The following TLK2 variants were observed in gnomAD, a reference collection of about 807,000 sequenced individuals.
TLK2 encodes the protein tousled like kinase 2.
Under a neutral mutation model 117.3 loss-of-function variants are expected in TLK2, and 6 were observed. That is an observed-to-expected ratio of 0.05 (90% CI 0.03 to 0.10). TLK2 has a LOEUF of 0.10. Ranked by LOEUF, TLK2 falls within the 10% of genes least tolerant of loss-of-function variation. TLK2 has a pLI of 1.00. For missense variants in TLK2, 299 were observed against 901.2 expected (o/e 0.33, Z 8.56); for synonymous variants, 257 against 316.7 (o/e 0.81, Z 2.00).
rs56176869 is a variant in TLK2 at position 62,586,161 on chromosome 17, C to T, written c.1395C>T (p.Tyr465=). 34 of 1,613,226 alleles carry T rather than the reference C, an allele frequency of 2.1e-5. No individual in the cohort carries two copies. The highest frequency in any genetic ancestry group is 1.1e-4 in the African/African-American group (8 of 74,838). The change falls in exon 16 of 22, where the codon TAC becomes TAT. Residue 465 remains tyrosine (Y), a synonymous_variant. Transcript: ENST00000346027. ...YKAFDLTEQR[Y]VAVKIHQLNK... Reference sequence around the variant, plus strand: ...CATTTGATCTAACAGAGCAAAGATACGTAGCTGTGAAAATTCACCAGTTAA... The same window carrying T: ...CATTTGATCTAACAGAGCAAAGATATGTAGCTGTGAAAATTCACCAGTTAA...
At chr17:62,575,991 C>T (rs1243280366) in intron 12 of TLK2, among the ~76,000 whole-genome samples, 1 of 152,190 alleles carries the variant, frequency 6.6e-6, no homozygotes, top group Non-Finnish European at 1.5e-5. Flanking sequence ...CAAGCCTGGC[C>T]ACTTGTTCAT....
At chr17:62,592,362 G>T (rs1468384346) in intron 16 of TLK2, among the ~76,000 whole-genome samples, 1 of 152,116 alleles carries the variant, frequency 6.6e-6, no homozygotes, top group Non-Finnish European at 1.5e-5. Flanking sequence ...GTACACTTTT[G>T]TTCCTTATGA....
At chr17:62,518,326 A>G (rs1244867497) in intron 2 of TLK2, among the ~76,000 whole-genome samples, 1 of 152,262 alleles carries the variant, frequency 6.6e-6, no homozygotes, top group Non-Finnish European at 1.5e-5. Flanking sequence ...TGTAAAACAA[A>G]TAAGAGGTAT....
intron 7 of TLK2, among the ~76,000 whole-genome samples, chr17:62,549,418 A>AAAAAAAAAAAAAAAAGT (rs1567898076): frequency 1.2e-4 from 1 of 8,536 alleles, no homozygotes; most frequent in Non-Finnish European, 6.2e-4. Flanking sequence ...AAAAAAAAAA[A>AAAAAAAAAAAAAAAAGT]AAAAAAAAAA....
At chr17:62,595,771 T>G (rs2082431723) in intron 16 of TLK2, among the ~76,000 whole-genome samples, 1 of 152,162 alleles carries the variant, frequency 6.6e-6, no homozygotes, top group South Asian at 2.1e-4. Context: ...TTAAATTGTT[T>G]TTGTAAGAAG....
At chr17:62,534,930 C>A (rs2077009079) in intron 6 of TLK2, among the ~76,000 whole-genome samples, 1 of 130,572 alleles carries the variant, frequency 7.7e-6, no homozygotes, top group Admixed American at 9.2e-5. Flanking sequence ...TCTCTGTTAC[C>A]CAGGCTGGAG....
At chr17:62,474,456 C>G (rs904607656), upstream of TLK2, among the ~76,000 whole-genome samples, 1 of 151,338 alleles carries the variant, frequency 6.6e-6, no homozygotes, top group African/African-American at 2.4e-5. Context: ...GTTGCCTGGG[C>G]TGGAGTGCAG....
At chr17:62,541,236 CG>C (rs1041485048) in intron 7 of TLK2, among the ~76,000 whole-genome samples, 4 of 152,168 alleles carry the variant, frequency 2.6e-5, no homozygotes, top group Non-Finnish European at 4.4e-5. Context: ...CACCAGCTGA[CG>C]TACTATGATG....
intron 19 of TLK2, among the ~76,000 whole-genome samples, chr17:62,604,112 C>T (rs952866177): frequency 1.3e-5 from 2 of 151,920 alleles, no homozygotes; most frequent in African/African-American, 2.4e-5. Flanking sequence ...TCAAGTGATT[C>T]TCCTGCCTCA....
intron 15 of TLK2, 132 bp from the exon 16 acceptor site, chr17:62,586,003 G>A: frequency 1.6e-6 from 1 of 627,574 alleles, no homozygotes; most frequent in Non-Finnish European, 2.7e-6. Flanking sequence ...TTGCAACACT[G>A]ATATAAGTAT....
chr17:62,484,497 C>T (rs187338690), intron 2 of TLK2, among the ~76,000 whole-genome samples: 4 of 151,466 alleles, frequency 2.6e-5, no homozygotes, highest in African/African-American at 7.3e-5. Context: ...GGAGTTTCAC[C>T]GTGTTGGCCA....
At chr17:62,541,362 A>G (rs2077520304) in intron 7 of TLK2, among the ~76,000 whole-genome samples, 1 of 152,172 alleles carries the variant, frequency 6.6e-6, no homozygotes, top group African/African-American at 2.4e-5. Context: ...ATAGGCACTC[A>G]GTGTAATTAT....
At chr17:62,534,307 A>T (rs2145802696) in intron 6 of TLK2, among the ~76,000 whole-genome samples, 1 of 152,368 alleles carries the variant, frequency 6.6e-6, no homozygotes, top group African/African-American at 2.4e-5. Flanking sequence ...AATTTAAAAC[A>T]TTAAACTTGG....
At chr17:62,539,873 C>T (rs1170561670) in intron 7 of TLK2, among the ~76,000 whole-genome samples, 1 of 152,140 alleles carries the variant, frequency 6.6e-6, no homozygotes, top group South Asian at 2.1e-4. Flanking sequence ...CAAGTTTATG[C>T]GTCTAGCCAG....
chr17:62,537,417 G>A (rs956175605), intron 7 of TLK2, among the ~76,000 whole-genome samples: 5 of 152,202 alleles, frequency 3.3e-5, no homozygotes, highest in Non-Finnish European at 7.3e-5. Flanking sequence ...GTGTTAATTA[G>A]ACACTGTGAG....
intron 10 of TLK2, among the ~76,000 whole-genome samples, chr17:62,562,205 C>G (rs2079339935): frequency 1.3e-5 from 2 of 152,034 alleles, no homozygotes. Flanking sequence ...ACTAAAAATA[C>G]AAAAATTGGC....
intron 2 of TLK2, among the ~76,000 whole-genome samples, chr17:62,520,189 A>G (rs1034209377): frequency 7.2e-5 from 11 of 152,184 alleles, no homozygotes; most frequent in African/African-American, 2.6e-4. Flanking sequence ...CTGTCCCATG[A>G]GCTGGGAGAG....
At chr17:62,588,533 G>A (rs1942217548) in intron 16 of TLK2, among the ~76,000 whole-genome samples, 2 of 152,232 alleles carry the variant, frequency 1.3e-5, no homozygotes, top group Non-Finnish European at 1.5e-5. Flanking sequence ...CATCAGAGGA[G>A]GGATCATGGT....
Position 62,580,154 on chromosome 17 carries a change from C to T in TLK2, c.1330C>T (p.His444Tyr), listed in dbSNP as rs1598730182. The change falls in exon 15 of 22, where the codon CAT (histidine) becomes TAT (tyrosine). Residue 444 changes from histidine (H) to tyrosine (Y), a missense_variant. By Grantham distance (83) the His-to-Tyr change is moderately conservative (BLOSUM62 2). Around this residue, in one of 4 missense-constraint regions of TLK2, gnomAD observed 81 missense variants for 370.9 expected, o/e 0.22. Transcript: ENST00000346027. Reference protein sequence around the residue: ...PTLNDRYLLLHLLGRGGFSEV... With the variant: ...PTLNDRYLLLYLLGRGGFSEV... ...GCTAAATGACAGATATTTGTTGTTACATCTTTTGGGTAGAGGAGGTTTCAG... is the reference window on the plus strand; with the variant it reads ...GCTAAATGACAGATATTTGTTGTTATATCTTTTGGGTAGAGGAGGTTTCAG... 6.2e-7 allele frequency: 1 copy of T among 1,612,894 alleles called. No homozygotes were observed. Among genetic ancestry groups the T allele is most frequent in the African/African-American group, 1.3e-5 (1 of 74,850 alleles).
Sources: allele counts gnomAD v4.1 joint callset (sites outside exome capture counted in the v4.1 genomes callset), GRCh38; gene constraint gnomAD v4.1.1; regional missense constraint gnomAD v4.1.1; transcripts MANE v1.5; gene names NCBI Gene and HGNC (gene_info 2026-07-23, HGNC 2026-07-21).